FBLN5: variants seen among roughly 807,000 people sequenced by gnomAD.
The protein encoded by FBLN5 is fibulin-5.
Under a neutral mutation model 61.6 loss-of-function variants are expected in FBLN5, and 24 were observed. The observed-to-expected ratio is 0.39, with a 90% confidence interval of 0.28 to 0.55. The LOEUF is 0.55. Ranked by LOEUF, FBLN5 falls within the 20% of genes least tolerant of loss-of-function variation. The pLI is 0.65. For missense variants in FBLN5, 470 were observed against 594.1 expected (o/e 0.79, Z 2.17); for synonymous variants, 213 against 219.8 (o/e 0.97, Z 0.27).
intron 4 of FBLN5, among the ~76,000 whole-genome samples, chr14:91,934,103 G>A (rs1566827177): frequency 1.3e-5 from 2 of 152,150 alleles, no homozygotes; most frequent in East Asian, 3.8e-4. Flanking sequence ...CTACTTGGGA[G>A]GCTGAAATGG....
intron 10 of FBLN5, among the ~76,000 whole-genome samples, chr14:91,873,287 G>T (rs1489868569): frequency 6.6e-6 from 1 of 152,240 alleles, no homozygotes; most frequent in Non-Finnish European, 1.5e-5. Context: ...TGGCGACAGT[G>T]ATGACGGTGG....
intron 4 of FBLN5, among the ~76,000 whole-genome samples, chr14:91,935,732 G>T (rs896465930): frequency 2.0e-5 from 3 of 152,152 alleles, no homozygotes; most frequent in African/African-American, 7.2e-5. Flanking sequence ...AGTTACAAAG[G>T]TCTTTCCTCC....
At chr14:91,917,185 A>T (rs146215042) in intron 4 of FBLN5, among the ~76,000 whole-genome samples, 1,808 of 152,338 alleles carry the variant, frequency 0.012, 35 homozygotes, top group South Asian at 0.074. Context: ...AGAGATAGTC[A>T]TTGGAGAGAG....
chr14:91,922,848 A>C lies in FBLN5; in HGVS notation c.379+14099T>G, dbSNP rs1358881513. The stretch of plus-strand genomic sequence containing the variant: ...AGGCCCTATCATCACAGTGAGAGCC[A>C]ATTTCATCCATCCACTGATGCCCCT... On this transcript the variant is annotated intron_variant, in intron 4 of 10. Coordinates refer to ENST00000342058, the MANE Select transcript of FBLN5 (RefSeq NM_006329.4). Among the ~76,000 whole-genome samples, 3 of 152,156 alleles carry C rather than the reference A, an allele frequency of 2.0e-5. No homozygotes were observed. The East Asian group carries it at 5.8e-4, about 29-fold the overall frequency.
Position 91,881,296 on chromosome 14 carries a change from C to T in FBLN5, c.985G>A (p.Asp329Asn), listed in dbSNP as rs910375623. 1.2e-6 allele frequency: 2 copies of T among 1,614,030 alleles called. No individual in the cohort carries two copies. Among genetic ancestry groups the T allele is most frequent in the African/African-American group, 2.7e-5 (2 of 74,924 alleles). The change falls in exon 9 of 11, where the codon GAT becomes AAT. Residue 329 changes from aspartate to asparagine, a missense_variant. By Grantham distance (23) the Asp-to-Asn change is conservative. Transcript: ENST00000342058. ...CAGGGGGACGCCGTGACTTACTTAT[C>T]ACTGATCCTCAGATAAGGCTCCTCA... Reference protein sequence around the residue: ...RCEEPYLRISDNRCMCPAENP... With the variant: ...RCEEPYLRISNNRCMCPAENP...
rs1325879664 is a variant in FBLN5, at chr14:91,940,553, A to G, written c.124+12T>C. On this transcript the variant is annotated intron_variant, in intron 3 of 10. Transcript: ENST00000342058. ...GCCTCCACCCCAATGAAGGATCCACAGTGGCTCATACCTAAACACTGTCCT... is the reference window on the plus strand; with the variant it reads ...GCCTCCACCCCAATGAAGGATCCACGGTGGCTCATACCTAAACACTGTCCT... 4 of 1,612,200 alleles carry G rather than the reference A, an allele frequency of 2.5e-6. No homozygotes were observed. Among genetic ancestry groups the G allele is most frequent in the Admixed American group, 1.7e-5 (1 of 60,016 alleles).
At chr14:91,919,410 G>GAAGA (rs1356602874) in intron 4 of FBLN5, among the ~76,000 whole-genome samples, 21 of 150,560 alleles carry the variant, frequency 1.4e-4, no homozygotes, top group Middle Eastern at 3.4e-3. Context: ...AGGAAGGAAG[G>GAAGA]AAGGAAGGAA....
chr14:91,881,226 C>T, intron 9 of FBLN5, 66 bp downstream of exon 9: 1 of 1,600,128 alleles, frequency 6.2e-7, no homozygotes, highest in South Asian at 1.1e-5. Flanking sequence ...TTTCACACCA[C>T]ACCTCCAACC....
At chr14:91,938,282 C>G (rs138212230) in intron 3 of FBLN5, 2 of 161,474 alleles carry the variant, frequency 1.2e-5, no homozygotes, top group South Asian at 2.6e-4. Flanking sequence ...ATGGGGAAAT[C>G]CCATCTCTAC....
intron 1 of FBLN5, among the ~76,000 whole-genome samples, chr14:91,945,886 G>T (rs2056175846): frequency 6.6e-6 from 1 of 152,144 alleles, no homozygotes; most frequent in Non-Finnish European, 1.5e-5. Context: ...ATTTATATCT[G>T]GAAGGAATGA....
At chr14:91,918,770 A>G (rs917184165) in intron 4 of FBLN5, among the ~76,000 whole-genome samples, 1 of 152,210 alleles carries the variant, frequency 6.6e-6, no homozygotes, top group Non-Finnish European at 1.5e-5. Flanking sequence ...GCCAGCAAAC[A>G]TTATTGACCC....
At chr14:91,931,026 G>T (rs1202355882) in intron 4 of FBLN5, among the ~76,000 whole-genome samples, 1 of 152,182 alleles carries the variant, frequency 6.6e-6, no homozygotes, top group Non-Finnish European at 1.5e-5. Flanking sequence ...TTTACTATGG[G>T]ATACTCTGCG....
At chr14:91,913,103 T>C (rs1162175223) in intron 4 of FBLN5, among the ~76,000 whole-genome samples, 3 of 152,218 alleles carry the variant, frequency 2.0e-5, no homozygotes, top group Admixed American at 2.0e-4. Flanking sequence ...AGTTTTTATC[T>C]ACCTCTATTC....
chr14:91,877,926 A>C, intron 9 of FBLN5: 1 of 602,298 alleles, frequency 1.7e-6, no homozygotes, highest in Middle Eastern at 2.6e-4. Flanking sequence ...TAGAATACAA[A>C]CCTTAGATCT....
chr14:91,873,805 A>C (rs1244351517), intron 10 of FBLN5: 1 of 152,230 alleles, frequency 6.6e-6, no homozygotes, highest in African/African-American at 2.4e-5. Context: ...GGTTTATTCT[A>C]ATCAACTTGT....
intron 6 of FBLN5, among the ~76,000 whole-genome samples, chr14:91,890,204 GAATCCAGGGTCAA>G (rs141896059): frequency 0.016 from 2,425 of 152,326 alleles, 33 homozygotes; most frequent in Non-Finnish European, 0.023. Flanking sequence ...GACTTAGAAA[GAATCCAGGGTCAA>G]ACTCTTTAAC....
chr14:91,942,576 AC>A (rs2056122526), intron 2 of FBLN5, among the ~76,000 whole-genome samples: 4 of 152,246 alleles, frequency 2.6e-5, no homozygotes, highest in Non-Finnish European at 4.4e-5. Context: ...GGTGCAGCAA[AC>A]CACCATGGCC....
At chr14:91,939,103 G>T (rs1030212165) in intron 3 of FBLN5, among the ~76,000 whole-genome samples, 2 of 152,086 alleles carry the variant, frequency 1.3e-5, no homozygotes, top group Non-Finnish European at 2.9e-5. Flanking sequence ...GAAGACAAAT[G>T]ATTTTGCTTA....
At chr14:91,932,206 GTT>G (rs2055936207) in intron 4 of FBLN5, among the ~76,000 whole-genome samples, 1 of 152,206 alleles carries the variant, frequency 6.6e-6, no homozygotes, top group African/African-American at 2.4e-5. Context: ...CAAGATGCCA[GTT>G]TTCTGAACAA....
Sources: allele counts gnomAD v4.1 joint callset (sites outside exome capture counted in the v4.1 genomes callset), GRCh38; gene constraint gnomAD v4.1.1; transcripts MANE v1.5; gene names NCBI Gene and HGNC (gene_info 2026-07-23, HGNC 2026-07-21).